Variants in NKAIN3 observed in about 807,000 individuals in gnomAD.
The protein encoded by NKAIN3 is sodium/potassium transporting ATPase interacting 3.
NKAIN3 carries 25 observed loss-of-function variants against 30.2 expected under a neutral mutation model. That is an observed-to-expected ratio of 0.83 (90% CI 0.60 to 1.16). The LOEUF is 1.16. Ranked by LOEUF, NKAIN3 falls within the 50% of genes most tolerant of loss-of-function variation. The pLI is 0.00. For missense variants in NKAIN3, 225 were observed against 254.1 expected (o/e 0.89, Z 0.78); for synonymous variants, 91 against 89.6 (o/e 1.02, Z -0.09).
At chr8:62,713,144 C>T (rs1045482085) in intron 3 of NKAIN3, among the ~76,000 whole-genome samples, 5 of 152,138 alleles carry the variant, frequency 3.3e-5, no homozygotes, top group Non-Finnish European at 5.9e-5. Flanking sequence ...TTTGGGATTG[C>T]TTGCACCTGA....
At chr8:62,648,967 A>G (rs1351362) in intron 3 of NKAIN3, among the ~76,000 whole-genome samples, 70,798 of 152,006 alleles carry the variant, frequency 0.47, 19,868 homozygotes, top group African/African-American at 0.78. Context: ...GCAGTGATGT[A>G]AGCCTCAATG....
intron 1 of NKAIN3, among the ~76,000 whole-genome samples, chr8:62,527,963 GAGAT>G (rs897341399): frequency 8.8e-4 from 133 of 151,666 alleles, no homozygotes; most frequent in African/African-American, 3.2e-3. Context: ...GAGAGAAAGA[GAGAT>G]AGAGATTTTG....
chr8:62,574,046 C>T (rs866813316), intron 1 of NKAIN3, among the ~76,000 whole-genome samples: 35 of 152,118 alleles, frequency 2.3e-4, no homozygotes, highest in East Asian at 7.7e-4. Flanking sequence ...TCTCAGCCTC[C>T]GGAAGCTATC....
chr8:62,723,721 C>T (rs1289677060), intron 3 of NKAIN3, among the ~76,000 whole-genome samples: 1 of 152,058 alleles, frequency 6.6e-6, no homozygotes, highest in Non-Finnish European at 1.5e-5. Flanking sequence ...TATTAAATGT[C>T]TTAGGTGTTC....
At chr8:62,402,498 T>C (rs1803910026) in intron 1 of NKAIN3, among the ~76,000 whole-genome samples, 1 of 152,184 alleles carries the variant, frequency 6.6e-6, no homozygotes, top group Non-Finnish European at 1.5e-5. Context: ...TGGTGGGAAG[T>C]AATTGAATCA....
intron 4 of NKAIN3, among the ~76,000 whole-genome samples, chr8:62,791,156 G>A (rs1317831961): frequency 6.6e-6 from 1 of 152,044 alleles, no homozygotes; most frequent in East Asian, 1.9e-4. Context: ...TTCAAAGGAT[G>A]AGAATACAGT....
chr8:62,561,250 G>A (rs912415487), intron 1 of NKAIN3, among the ~76,000 whole-genome samples: 1 of 152,078 alleles, frequency 6.6e-6, no homozygotes, highest in Non-Finnish European at 1.5e-5. Context: ...GTAGCTGGAT[G>A]TTTTGCCATC....
rs1823350619 is a variant in NKAIN3, at chr8:62,953,914, G to A, written c.545G>A (p.Gly182Asp). 3.1e-6 allele frequency: 3 copies of A among 975,498 alleles called. No individual in the cohort carries two copies. Among genetic ancestry groups the A allele is most frequent in the South Asian group, 4.7e-5 (1 of 21,118 alleles). The allele number at this position is 975,498 out of a possible 1,614,324, so 60.4% of individuals were successfully genotyped here. Residue 182 changes from glycine to aspartate, a missense_variant, in exon 6 of 7, where the codon GGT becomes GAT. Coordinates refer to ENST00000623646, the MANE Select transcript of NKAIN3 (RefSeq NM_001304533.3). ...MEEEDTFDFI[G>D]GLDTHSYYQD... is the part of the protein sequence containing the mutation. ...GTTATATTTTCAGTTGATTTCATAG[G>A]TGGACTTGATACACACTCCTACTAC... is the stretch of plus-strand genomic sequence containing the variant.
intron 4 of NKAIN3, among the ~76,000 whole-genome samples, chr8:62,895,500 T>A (rs1162113966): frequency 6.6e-6 from 1 of 152,186 alleles, no homozygotes; most frequent in Non-Finnish European, 1.5e-5. Context: ...TCTCAGGTAG[T>A]GTGGATGAGG....
At chr8:62,820,123 C>T (rs1818807046) in intron 4 of NKAIN3, among the ~76,000 whole-genome samples, 1 of 152,044 alleles carries the variant, frequency 6.6e-6, no homozygotes, top group Non-Finnish European at 1.5e-5. Flanking sequence ...CAAGTTCTTC[C>T]CCACAAAGAA....
chr8:62,855,815 G>A (rs1307062389), intron 4 of NKAIN3: 1 of 919,112 alleles, frequency 1.1e-6, no homozygotes, highest in Non-Finnish European at 1.8e-6. Flanking sequence ...AGACAAGCTG[G>A]AATCCTGGAG....
At chr8:62,668,534 G>A (rs991368334) in intron 3 of NKAIN3, among the ~76,000 whole-genome samples, 3 of 152,148 alleles carry the variant, frequency 2.0e-5, no homozygotes, top group Non-Finnish European at 4.4e-5. Flanking sequence ...CACCATGCAT[G>A]TTGTCTTCCT....
intron 1 of NKAIN3, among the ~76,000 whole-genome samples, chr8:62,356,772 A>G (rs947798240): frequency 2.6e-5 from 4 of 152,096 alleles, no homozygotes; most frequent in Admixed American, 2.6e-4. Context: ...AACACACCCA[A>G]AGTGCATTCA....
intron 3 of NKAIN3, among the ~76,000 whole-genome samples, chr8:62,616,889 A>G (rs928439098): frequency 1.3e-5 from 2 of 152,154 alleles, no homozygotes; most frequent in East Asian, 3.9e-4. Flanking sequence ...GTAATCCCCA[A>G]TGTTGTAGTT....
intron 1 of NKAIN3, among the ~76,000 whole-genome samples, chr8:62,331,822 C>T (rs1218501953): frequency 1.3e-5 from 2 of 152,062 alleles, no homozygotes; most frequent in Non-Finnish European, 2.9e-5. Flanking sequence ...TCAAATACCG[C>T]TTTGTATTAA....
At chr8:62,742,881 C>T (rs924486736) in intron 3 of NKAIN3, among the ~76,000 whole-genome samples, 27 of 152,234 alleles carry the variant, frequency 1.8e-4, no homozygotes, top group African/African-American at 5.5e-4. Context: ...CCTCAGGAAG[C>T]TTACAAACAT....
chr8:62,329,500 T>G (rs1815264749), intron 1 of NKAIN3, among the ~76,000 whole-genome samples: 1 of 152,080 alleles, frequency 6.6e-6, no homozygotes, highest in Non-Finnish European at 1.5e-5. Context: ...GCTCCTTTTC[T>G]CCTCCAGTGA....
At chr8:62,513,895 C>T in intron 1 of NKAIN3, among the ~76,000 whole-genome samples, 1 of 129,166 alleles carries the variant, frequency 7.7e-6, no homozygotes, top group Middle Eastern at 4.5e-3. Context: ...AGCATAAAAG[C>T]ATTTGTAAAG....
intron 1 of NKAIN3, among the ~76,000 whole-genome samples, chr8:62,397,968 C>A (rs1817818050): frequency 6.6e-6 from 1 of 152,116 alleles, no homozygotes; most frequent in African/African-American, 2.4e-5. Flanking sequence ...AGATGGAATT[C>A]CATCCTTATA....
Sources: allele counts gnomAD v4.1 joint callset (sites outside exome capture counted in the v4.1 genomes callset), GRCh38; gene constraint gnomAD v4.1.1; transcripts MANE v1.5; gene names NCBI Gene and HGNC (gene_info 2026-07-23, HGNC 2026-07-21).